Variants in TNS1 observed in about 807,000 individuals in gnomAD.
TNS1 encodes tensin 1, also known as tensin-1.
TNS1 carries 62 observed loss-of-function variants against 168.6 expected under a neutral mutation model. The ratio of observed to expected loss-of-function variants is 0.37; its 90% CI spans 0.30 to 0.45. The LOEUF (loss-of-function observed/expected upper bound fraction) is 0.45. Ranked by LOEUF, TNS1 falls within the 20% of genes least tolerant of loss-of-function variation. The probability of loss-of-function intolerance (pLI) is 1.00; values close to 1 mark genes in which losing one functional copy is unlikely to be tolerated. For synonymous variants in TNS1, 934 were observed against 933.2 expected (o/e 1.00, Z -0.02); for missense variants, 2,240 against 2,339.4 (o/e 0.96, Z 0.88).
chr2:217,899,721 G>C (rs1211960795), intron 7 of TNS1, among the ~76,000 whole-genome samples: 1 of 152,186 alleles, frequency 6.6e-6, no homozygotes, highest in African/African-American at 2.4e-5. Context: ...ATGCAGAACA[G>C]TGCCACCAGC....
At chr2:217,906,428 A>G (rs1039356944) in intron 5 of TNS1, 43 bp from the exon 6 acceptor site, 1 of 702,630 alleles carries the variant, frequency 1.4e-6, no homozygotes, top group Non-Finnish European at 2.6e-6. Flanking sequence ...AGGCAAGAAA[A>G]ATAATCAAAA....
chr2:217,880,802 C>G lies in TNS1; in HGVS notation c.1429+96G>C. On this transcript the variant is annotated intron_variant, in intron 18 of 32. Transcript: ENST00000682258. The surrounding 1 kb of genome is among the most constrained non-coding windows in gnomAD (Gnocchi z 4.2). The stretch of plus-strand genomic sequence containing the variant: ...CACTTCCCCTCTGCCTCCTCTCGAA[C>G]CCAGATCTCTTGAAAGCAGGCCAAG... 1 of 949,468 alleles carries G rather than the reference C, an allele frequency of 1.1e-6. No homozygotes were observed. Among genetic ancestry groups the G allele is most frequent in the Non-Finnish European group, 1.7e-6 (1 of 595,300 alleles). The allele number at this position is 949,468 out of a possible 1,614,324, so 58.8% of individuals were successfully genotyped here.
chr2:217,924,219 C>A (rs548180680), intron 3 of TNS1, among the ~76,000 whole-genome samples: 3 of 152,196 alleles, frequency 2.0e-5, no homozygotes, highest in Admixed American at 2.0e-4. Context: ...CAGCTGTCTG[C>A]GTAGCTGTGT....
At chr2:217,900,309 G>A (rs753552282) in intron 7 of TNS1, among the ~76,000 whole-genome samples, 154 bp downstream of exon 7, 2 of 152,236 alleles carry the variant, frequency 1.3e-5, no homozygotes, top group African/African-American at 2.4e-5. Context: ...GCATCCGCAC[G>A]CATCCTCTCC....
In TNS1 at chr2:217,817,781, C is replaced by A; in HGVS notation, c.4551G>T (p.Ser1517=). Residue 1517 remains serine (S), a synonymous_variant, in exon 24 of 33, where the codon TCG becomes TCT. Coordinates refer to ENST00000682258, the MANE Select transcript of TNS1 (RefSeq NM_001387777.1). ...NYATINGKVS[S]PVASGMSSPS... is the part of the protein sequence containing the mutation. ...GACTGGACATGCCGCTGGCGACAGGCGAAGACACCTTCCCATTGATGGTGG... is the reference window on the plus strand; with the variant it reads ...GACTGGACATGCCGCTGGCGACAGGAGAAGACACCTTCCCATTGATGGTGG... 2.5e-6 allele frequency: 4 copies of A among 1,614,188 alleles called. No individual in the cohort carries two copies. Among genetic ancestry groups the A allele is most frequent in the Middle Eastern group, 1.6e-4 (1 of 6,062 alleles).
At position 217,931,303 on chromosome 2, in the gene TNS1, T is replaced by C. The variant is rs185494904; in HGVS notation, c.187-11067A>G. Among the ~76,000 whole-genome samples the C allele has an allele frequency of 3.0e-4, 45 of 152,150 alleles. No individual in the cohort carries two copies. In the East Asian group the frequency reaches 8.3e-3, roughly 28 times the overall value. ...TCCACCAAGGGTTTCTGTTTCTAGATGGAAACTTGAAGGGACAAAAGTCTT... is the reference window on the plus strand; with the variant it reads ...TCCACCAAGGGTTTCTGTTTCTAGACGGAAACTTGAAGGGACAAAAGTCTT... On this transcript the variant is annotated intron_variant, in intron 3 of 32. Coordinates refer to ENST00000682258, the MANE Select transcript of TNS1 (RefSeq NM_001387777.1).
Position 217,886,059 on chromosome 2 carries a change from T to C in TNS1, c.1025A>G (p.Tyr342Cys). The part of the protein sequence containing the change: ...LRIYQAMQPV[Y>C]TSGIYNIPGD... ...TAATACTTACTAGATGCCAGATGTG[T>C]ACACAGGTTGCATGGCCTGGTAGAT... Residue 342 changes from tyrosine (Y) to cysteine (C), a missense_variant, in exon 14 of 33, where the codon TAC becomes TGC. By Grantham distance (194) the Tyr-to-Cys change is radical (BLOSUM62 -2). Around this residue, in one of 2 missense-constraint regions of TNS1, gnomAD observed 2,131 missense variants for 2,171.2 expected, o/e 0.98. Coordinates refer to ENST00000682258, the MANE Select transcript of TNS1 (RefSeq NM_001387777.1). 6.2e-7 allele frequency: 1 copy of C among 1,613,990 alleles called. No homozygotes were observed. Among genetic ancestry groups the C allele is most frequent in the Non-Finnish European group, 8.5e-7 (1 of 1,179,990 alleles).
rs994534533 is a variant in TNS1 at position 217,813,019 on chromosome 2, C to T, written c.4954+196G>A. The stretch of plus-strand genomic sequence containing the variant: ...AAGTCCCAGCTGGGTCGGACAAACA[C>T]AGACTGCAGTTTGGCAGAGTTAGGA... On this transcript the variant is annotated intron_variant, in intron 27 of 32. Transcript: ENST00000682258. This position sits in a 1 kb window ranked among gnomAD's most constrained non-coding sequence, Gnocchi z 4.0. Among the ~76,000 whole-genome samples the T allele has an allele frequency of 1.3e-5, 2 of 152,250 alleles. No homozygotes were observed. The highest frequency in any genetic ancestry group is 4.8e-5 in the African/African-American group (2 of 41,462).
At chr2:217,933,585 T>C (rs1956439821) in intron 3 of TNS1, among the ~76,000 whole-genome samples, 1 of 151,938 alleles carries the variant, frequency 6.6e-6, no homozygotes, top group South Asian at 2.1e-4. Context: ...AAGGAGCCCA[T>C]ATGTACAGAC....
At chr2:217,827,669 T>C (rs1476085547) in intron 22 of TNS1, among the ~76,000 whole-genome samples, 1 of 152,218 alleles carries the variant, frequency 6.6e-6, no homozygotes, top group Non-Finnish European at 1.5e-5. Context: ...ACTGTGACCT[T>C]GGGCAGATCC....
intron 6 of TNS1, chr2:217,901,629 G>C (rs1203703197): frequency 2.0e-5 from 3 of 152,086 alleles, no homozygotes; most frequent in African/African-American, 7.2e-5. Flanking sequence ...TTTTCCTACC[G>C]CCAAGTTGCA....
At chr2:217,815,641 T>C (rs1941776211) in intron 24 of TNS1, among the ~76,000 whole-genome samples, 1 of 152,092 alleles carries the variant, frequency 6.6e-6, no homozygotes, top group Non-Finnish European at 1.5e-5. Context: ...CTGAAAGCCT[T>C]CCTCCACCCC....
chr2:217,866,476 A>G (rs562120078), intron 18 of TNS1, among the ~76,000 whole-genome samples: 4 of 152,296 alleles, frequency 2.6e-5, no homozygotes, highest in East Asian at 1.9e-4. Context: ...TGCAGCAGCC[A>G]TGGAGTCCCT....
At chr2:218,025,972 G>T (rs911784288) in intron 1 of TNS1, among the ~76,000 whole-genome samples, 1 of 152,164 alleles carries the variant, frequency 6.6e-6, no homozygotes, top group Non-Finnish European at 1.5e-5. Flanking sequence ...TTGGGGTCAG[G>T]TTACATTGCG....
chr2:217,984,813 T>G (rs973406391), intron 2 of TNS1, among the ~76,000 whole-genome samples: 3 of 151,192 alleles, frequency 2.0e-5, no homozygotes, highest in Admixed American at 6.6e-5. Flanking sequence ...TGGAGTGCAT[T>G]GGCATGTTCT....
intron 3 of TNS1, among the ~76,000 whole-genome samples, chr2:217,973,622 T>C (rs145229794): frequency 4.1e-4 from 63 of 152,288 alleles, no homozygotes; most frequent in Admixed American, 2.5e-3. Context: ...TCTCCTCACC[T>C]GCTCCCTGCC....
intron 6 of TNS1, chr2:217,903,483 C>T: frequency 7.5e-7 from 1 of 1,341,662 alleles, no homozygotes; most frequent in South Asian, 1.6e-5. Flanking sequence ...CTCCGGGGAT[C>T]ACAAATCACC....
At chr2:217,984,286 G>T (rs1265017871) in intron 2 of TNS1, among the ~76,000 whole-genome samples, 1 of 152,182 alleles carries the variant, frequency 6.6e-6, no homozygotes, top group Non-Finnish European at 1.5e-5. Context: ...ACATGGTGTG[G>T]CTCTGAAGTA....
intron 3 of TNS1, among the ~76,000 whole-genome samples, chr2:217,970,793 T>C (rs1957757008): frequency 6.6e-6 from 1 of 152,066 alleles, no homozygotes; most frequent in Non-Finnish European, 1.5e-5. Flanking sequence ...TCTTCTAAAA[T>C]TGACTGTGGT....
Sources: allele counts gnomAD v4.1 joint callset (sites outside exome capture counted in the v4.1 genomes callset), GRCh38; gene constraint gnomAD v4.1.1; regional missense constraint gnomAD v4.1.1; non-coding constraint Gnocchi (gnomAD v3.1); transcripts MANE v1.5; gene names NCBI Gene and HGNC (gene_info 2026-07-23, HGNC 2026-07-21).